CRNKL1: variants seen among roughly 807,000 people sequenced by gnomAD.
CRNKL1 encodes crooked neck pre-mRNA splicing factor 1, also known as crooked neck-like protein 1.
A neutral mutation model predicts 103.7 loss-of-function variants in CRNKL1; 35 were observed. That is an observed-to-expected ratio of 0.34 (90% CI 0.26 to 0.45). The LOEUF is 0.45. Ranked by LOEUF, CRNKL1 falls within the 20% of genes least tolerant of loss-of-function variation. The pLI is 1.00. For missense variants in CRNKL1, 645 were observed against 836.0 expected, an observed-to-expected ratio of 0.77 and a Z score of 2.82; for synonymous variants, 267 against 282.6, an observed-to-expected ratio of 0.94 and a Z score of 0.55.
rs1194215027 is a variant in CRNKL1, at chr20:20,035,844, AC to A, written c.*350del. ...TGAACTCAAGTCTGTGACTCTGAAGACATGAAAAAGTTACACATTTCAGATG... is the reference window on the plus strand; with the variant it reads ...TGAACTCAAGTCTGTGACTCTGAAGAATGAAAAAGTTACACATTTCAGATG... On this transcript the variant is annotated 3_prime_UTR_variant, in exon 14 of 14. Coordinates refer to ENST00000536226, the MANE Select transcript of CRNKL1 (RefSeq NM_001278628.2). 1.2e-5 allele frequency: 2 copies of A among 170,286 alleles called. No individual in the cohort carries two copies. The highest frequency in any genetic ancestry group is 4.8e-5 in the African/African-American group (2 of 41,880). 10.5% of individuals were successfully genotyped at this position (170,286 alleles called of 1,614,324 possible).
In CRNKL1 at chr20:20,038,418, A is replaced by T. The variant is rs199819737; in HGVS notation, c.1578T>A (p.Ile526=). The T allele has an allele frequency of 1.3e-6, 2 of 1,552,276 alleles. No individual in the cohort carries two copies. Among genetic ancestry groups the T allele is most frequent in the Admixed American group, 3.9e-5 (2 of 51,154 alleles). Residue 526 remains isoleucine, a synonymous_variant, in exon 12 of 14, where the codon ATT becomes ATA. Coordinates refer to ENST00000536226, the MANE Select transcript of CRNKL1 (RefSeq NM_001278628.2). ...GTGTTCTTTCTGTTTCTTCCTGCTC[A>T]ATTTCAAAATCAATATATGATTTCC... The part of the protein sequence containing the change: ...VLWKSYIDFE[I]EQEETERTRN...
rs1568753263 is a variant in CRNKL1, at chr20:20,034,638, C to CTATTAA, written c.*1551_*1556dup. 2.6e-5 allele frequency: 4 copies of CTATTAA among 152,296 alleles called. No individual in the cohort carries two copies. In the East Asian group the frequency reaches 7.7e-4, roughly 29 times the overall value. 9.4% of individuals were successfully genotyped at this position (152,296 alleles called of 1,614,324 possible). ...TCCCTGACTCTGGGTGAGCCAAAGG[C>CTATTAA]TATTAAGATGATGTTCTCCTGCTCA... On this transcript the variant is annotated 3_prime_UTR_variant, in exon 14 of 14. Transcript: ENST00000536226.
intron 1 of CRNKL1, among the ~76,000 whole-genome samples, chr20:20,051,644 C>A (rs2043740273): frequency 6.6e-6 from 1 of 152,202 alleles, no homozygotes; most frequent in African/African-American, 2.4e-5. Context: ...CATCCGGGCT[C>A]AAGAAAGACT....
chr20:20,042,554 C>T (rs760059832), intron 7 of CRNKL1, 38 bp from the exon 8 acceptor site: 1 of 1,564,338 alleles, frequency 6.4e-7, no homozygotes, highest in Non-Finnish European at 8.7e-7. Context: ...AAAAACAAAA[C>T]CAAGAGCTGC....
intron 5 of CRNKL1, among the ~76,000 whole-genome samples, chr20:20,047,024 T>C (rs1778068381): frequency 6.6e-6 from 1 of 152,226 alleles, no homozygotes; most frequent in African/African-American, 2.4e-5. Flanking sequence ...AAGGTGTTTT[T>C]ATTCTTGTTT....
At position 20,041,549 on chromosome 20, in the gene CRNKL1, CTTTAGA is replaced by C. The variant is rs2043514908; in HGVS notation, c.1224+11_1224+16del. ...ATTCTGACCTGTTTGAAATGGAACA[CTTTAGA>C]GCAAACATACCTTTTTGTGAGGAAT... On this transcript the variant is annotated intron_variant, in intron 9 of 13. Transcript: ENST00000536226. 6.2e-7 allele frequency: 1 copy of C among 1,600,034 alleles called. No individual in the cohort carries two copies. Among genetic ancestry groups the C allele is most frequent in the Non-Finnish European group, 8.6e-7 (1 of 1,167,334 alleles).
chr20:20,040,891 G>A (rs2043502109), intron 9 of CRNKL1, 125 bp from the exon 10 acceptor site: 1 of 663,992 alleles, frequency 1.5e-6, no homozygotes, highest in Non-Finnish European at 2.6e-6. Context: ...AGAGTAAGAG[G>A]AATGTACTCT....
chr20:20,052,510 C>T (rs1417028714), upstream of CRNKL1: 1 of 1,614,120 alleles, frequency 6.2e-7, no homozygotes, highest in Non-Finnish European at 8.5e-7. Flanking sequence ...GTGACGGAGG[C>T]GGCACCGTTT....
intron 10 of CRNKL1, 118 bp downstream of exon 10, chr20:20,040,568 T>C: frequency 2.6e-6 from 2 of 757,362 alleles, no homozygotes; most frequent in Non-Finnish European, 4.5e-6. Flanking sequence ...TCCCAGGCTA[T>C]AAAGGTATAA....
chr20:20,047,805 T>C lies in CRNKL1; in HGVS notation c.582A>G (p.Arg194=), dbSNP rs142130270. The change falls in exon 5 of 14, where the codon AGA becomes AGG. Residue 194 remains arginine (R), a synonymous_variant. Transcript: ENST00000536226. ...TGCGGGCCCGATCCACCTCTTTGTA[T>C]CTCAGCTCAAAGTTGATGTAGGAGT... ...AWHSYINFEL[R]YKEVDRARTI... is the part of the protein sequence containing the mutation. The C allele has an allele frequency of 3.0e-5, 48 of 1,614,244 alleles. No individual in the cohort carries two copies. The African/African-American group carries it at 4.4e-4, about 15-fold the overall frequency.
In CRNKL1 at chr20:20,043,744, A is replaced by G. The variant is rs569759646; in HGVS notation, c.802-82T>C. On this transcript the variant is annotated intron_variant, in intron 6 of 13. Coordinates refer to ENST00000536226, the MANE Select transcript of CRNKL1 (RefSeq NM_001278628.2). ...ACTAGGAGAGTAAATATAACAAAAT[A>G]TTACTTATAAGTTAGATTTTGAGGC... 1,024 of 1,320,046 alleles carry G rather than the reference A, an allele frequency of 7.8e-4. 3 individuals carry two copies. The highest frequency in any genetic ancestry group is 6.3e-3 in the Middle Eastern group (24 of 3,816). 81.8% of individuals were successfully genotyped at this position (1,320,046 alleles called of 1,614,324 possible).
At chr20:20,046,346 T>C (rs1356805867) in intron 5 of CRNKL1, among the ~76,000 whole-genome samples, 2 of 152,232 alleles carry the variant, frequency 1.3e-5, no homozygotes, top group Non-Finnish European at 2.9e-5. Flanking sequence ...TAGCAAGTGC[T>C]ATAAAAGCTT....
At chr20:20,050,334 C>G in intron 2 of CRNKL1, 136 bp downstream of exon 2, 1 of 628,588 alleles carries the variant, frequency 1.6e-6, no homozygotes, top group Non-Finnish European at 2.6e-6. Context: ...TATCTGGTAA[C>G]CAGAAGTACA....
intron 6 of CRNKL1, among the ~76,000 whole-genome samples, chr20:20,044,520 T>C (rs2043564364): frequency 6.6e-6 from 1 of 152,236 alleles, no homozygotes; most frequent in Non-Finnish European, 1.5e-5. Context: ...CCTTCGAGTG[T>C]CATGTCAGCA....
rs967839850 is a variant in CRNKL1 at position 20,039,902 on chromosome 20, C to T, written c.1306-54G>A. ...GATACTGTAGTGGATTTAATCTGTG[C>T]AGTTATTGCACTGCCCTAGAGGCTG... On this transcript the variant is annotated intron_variant, in intron 10 of 13. Coordinates refer to ENST00000536226, the MANE Select transcript of CRNKL1 (RefSeq NM_001278628.2). The T allele has an allele frequency of 7.0e-6, 11 of 1,581,912 alleles. No homozygotes were observed. In the African/African-American group the frequency reaches 1.5e-4, roughly 21 times the overall value.
intron 11 of CRNKL1, among the ~76,000 whole-genome samples, chr20:20,039,106 CAT>C (rs1191069345): frequency 3.3e-5 from 5 of 152,222 alleles, no homozygotes; most frequent in Non-Finnish European, 5.9e-5. Context: ...TTCTACGACT[CAT>C]GTGAGATTCA....
At chr20:20,047,480 G>T (rs1359440922) in intron 5 of CRNKL1, among the ~76,000 whole-genome samples, 1 of 152,140 alleles carries the variant, frequency 6.6e-6, no homozygotes, top group Non-Finnish European at 1.5e-5. Context: ...TGAGTTCCTG[G>T]AAACAATCCC....
chr20:20,052,152 C>A (rs554288451), intron 1 of CRNKL1, 140 bp downstream of exon 1: 3 of 769,892 alleles, frequency 3.9e-6, no homozygotes, highest in Non-Finnish European at 6.1e-6. Flanking sequence ...CGCGCCCCAC[C>A]ACCAGCTGCC....
chr20:20,038,238 TA>T (rs11329914), intron 12 of CRNKL1, 110 bp downstream of exon 12: 115,654 of 513,384 alleles, frequency 0.23, 4,400 homozygotes, highest in East Asian at 0.52. Context: ...AGGAAGTCAT[TA>T]AAAAAAAAAA....
Sources: allele counts gnomAD v4.1 joint callset (sites outside exome capture counted in the v4.1 genomes callset), GRCh38; gene constraint gnomAD v4.1.1; transcripts MANE v1.5; gene names NCBI Gene and HGNC (gene_info 2026-07-23, HGNC 2026-07-21).